UPB1: variants seen among roughly 807,000 people sequenced by gnomAD.
UPB1 encodes the protein beta-ureidopropionase.
Under a neutral mutation model 49.1 loss-of-function variants are expected in UPB1, and 40 were observed. That is an observed-to-expected ratio of 0.81 (90% CI 0.63 to 1.06). The LOEUF is 1.06. Among genes scored for constraint, UPB1 ranks in the 50% least tolerant of loss-of-function variants. UPB1 has a pLI of 0.00. For missense variants in UPB1, 499 were observed against 505.9 expected, an observed-to-expected ratio of 0.99 and a Z score of 0.13; for synonymous variants, 207 against 198.2, an observed-to-expected ratio of 1.04 and a Z score of -0.38.
At chr22:24,495,883 C>T (rs942429407) in intron 1 of UPB1, among the ~76,000 whole-genome samples, 6 of 152,144 alleles carry the variant, frequency 3.9e-5, no homozygotes, top group African/African-American at 1.4e-4. Flanking sequence ...ACTGATTGTC[C>T]GGCCCCAGAC....
rs759334607 is a variant in UPB1, at chr22:24,500,090, T to C, written c.105-17T>C. 9.9e-6 allele frequency: 16 copies of C among 1,614,038 alleles called. No homozygotes were observed. Among genetic ancestry groups the C allele is most frequent in the Non-Finnish European group, 1.0e-5 (12 of 1,180,014 alleles). ...CTGCATCAAAATCCCCTTCCCTCTT[T>C]TTTCCTGCCCATCTAGGAAGCTTGA... is the stretch of plus-strand genomic sequence containing the variant. On this transcript the variant is annotated splice_polypyrimidine_tract_variant and intron_variant, in intron 1 of 9. Transcript: ENST00000326010.
chr22:24,500,254 C>T lies in UPB1; in HGVS notation c.252C>T (p.Pro84=), dbSNP rs944610975. The change falls in exon 2 of 10, where the codon CCC becomes CCT. Residue 84 remains proline (P), a synonymous_variant. Transcript: ENST00000326010. The part of the protein sequence containing the change: ...VGLVQNRIPL[P]ANAPVAEQVS... Reference sequence around the variant, plus strand: ...TGGTTCAGAACAGAATCCCCCTCCCCGCAAATGCCCCTGTGGCAGAACAGG... The same window carrying T: ...TGGTTCAGAACAGAATCCCCCTCCCTGCAAATGCCCCTGTGGCAGAACAGG... 5.0e-6 allele frequency: 8 copies of T among 1,614,156 alleles called. No individual in the cohort carries two copies. Among genetic ancestry groups the T allele is most frequent in the Admixed American group, 3.3e-5 (2 of 60,028 alleles).
chr22:24,513,600 G>C, intron 5 of UPB1, 115 bp downstream of exon 5: 1 of 1,412,514 alleles, frequency 7.1e-7, no homozygotes, highest in Non-Finnish European at 9.7e-7. Context: ...TCCATGTCAC[G>C]TACACTCCAC....
chr22:24,514,300 T>C (rs910381844), intron 5 of UPB1, among the ~76,000 whole-genome samples: 3 of 152,058 alleles, frequency 2.0e-5, no homozygotes, highest in Admixed American at 2.0e-4. Context: ...AACCCAGCGT[T>C]TCTCAGTAAC....
intron 3 of UPB1, among the ~76,000 whole-genome samples, chr22:24,507,960 A>G (rs1410370730): frequency 6.6e-6 from 1 of 151,976 alleles, no homozygotes; most frequent in Non-Finnish European, 1.5e-5. Flanking sequence ...GCCCCCCAAT[A>G]TAACCAACCA....
chr22:24,517,981 A>G (rs1012767980), intron 6 of UPB1, among the ~76,000 whole-genome samples: 7 of 152,308 alleles, frequency 4.6e-5, no homozygotes, highest in East Asian at 1.9e-4. Flanking sequence ...CCTGGCCAAC[A>G]TGGTGAAACC....
intron 6 of UPB1, among the ~76,000 whole-genome samples, chr22:24,515,981 TAAAACAAAAC>T (rs56302601): frequency 2.0e-5 from 3 of 151,788 alleles, no homozygotes; most frequent in African/African-American, 7.3e-5. Context: ...TCTCAAAAAA[TAAAACAAAAC>T]AAAACGAAAA....
At chr22:24,520,504 C>G in intron 7 of UPB1, 36 bp downstream of exon 7, 1 of 1,608,162 alleles carries the variant, frequency 6.2e-7, no homozygotes, top group Non-Finnish European at 8.5e-7. Context: ...GAGGAGCCAC[C>G]ACCTGGTGGC....
intron 2 of UPB1, 39 bp from the exon 3 acceptor site, chr22:24,502,087 A>G (rs760651191): frequency 5.6e-6 from 9 of 1,609,944 alleles, no homozygotes; most frequent in Admixed American, 1.7e-5. Context: ...TGCCTTACCA[A>G]TAGAACTAAA....
chr22:24,521,053 C>T (rs907795915), intron 7 of UPB1, among the ~76,000 whole-genome samples: 10 of 151,290 alleles, frequency 6.6e-5, no homozygotes, highest in Admixed American at 5.9e-4. Context: ...CAGGCTGGCA[C>T]GTGCCTGTGA....
intron 1 of UPB1, among the ~76,000 whole-genome samples, chr22:24,498,359 C>T (rs567329283): frequency 6.6e-6 from 1 of 152,332 alleles, no homozygotes; most frequent in Non-Finnish European, 1.5e-5. Flanking sequence ...TTGACTGCGT[C>T]TACACAGGGT....
intron 8 of UPB1, among the ~76,000 whole-genome samples, chr22:24,522,780 A>G (rs1427621769): frequency 2.6e-5 from 4 of 151,278 alleles, no homozygotes; most frequent in African/African-American, 2.4e-5. Flanking sequence ...AAAAAAAAAA[A>G]AAAAATACAA....
intron 9 of UPB1, among the ~76,000 whole-genome samples, chr22:24,524,398 C>T (rs1463987012): frequency 1.3e-5 from 2 of 152,324 alleles, no homozygotes; most frequent in South Asian, 2.1e-4. Context: ...TGGGATGGGA[C>T]TCCACCCTAG....
chr22:24,500,314 A>G, intron 2 of UPB1, 36 bp downstream of exon 2: 2 of 1,612,212 alleles, frequency 1.2e-6, no homozygotes, highest in South Asian at 2.2e-5. Flanking sequence ...ATACACAAAC[A>G]GGGTTGTGGC....
In UPB1 at chr22:24,513,481, A is replaced by G. The variant is rs1213957642; in HGVS notation, c.617A>G (p.Asn206Ser). ...CACATCCCCAGAGTGGGTGATTTCAACGAGGTGAGCCACCCATAAGATAGA... is the reference window on the plus strand; with the variant it reads ...CACATCCCCAGAGTGGGTGATTTCAGCGAGGTGAGCCACCCATAAGATAGA... ...KNHIPRVGDF[N>S]ESTYYMEGNL... Residue 206 changes from asparagine to serine, a missense_variant, in exon 5 of 10, where the codon AAC becomes AGC. Transcript: ENST00000326010. 2.5e-6 allele frequency: 4 copies of G among 1,613,928 alleles called. No homozygotes were observed. The highest frequency in any genetic ancestry group is 1.7e-5 in the Admixed American group (1 of 59,978).
Position 24,513,213 on chromosome 22 carries a change from A to G in UPB1, c.460-111A>G, listed in dbSNP as rs1482567418. 26 of 1,490,246 alleles carry G rather than the reference A, an allele frequency of 1.7e-5. No homozygotes were observed. The East Asian group carries it at 4.6e-4, about 26-fold the overall frequency. The allele number at this position is 1,490,246 out of a possible 1,614,324, so 92.3% of individuals were successfully genotyped here. ...TTTAGTGTTCCAAACAACAAATGCA[A>G]GTGGTTGCTCTGACCCAAGCCTATT... On this transcript the variant is annotated intron_variant, in intron 4 of 9. Transcript: ENST00000326010.
chr22:24,506,670 C>G (rs906149868), intron 3 of UPB1, among the ~76,000 whole-genome samples: 2 of 152,236 alleles, frequency 1.3e-5, no homozygotes, highest in East Asian at 3.8e-4. Context: ...TGTACTCTCA[C>G]TCTTCATTAG....
intron 3 of UPB1, chr22:24,503,849 A>C (rs2044038365): frequency 6.6e-6 from 1 of 152,184 alleles, no homozygotes; most frequent in African/African-American, 2.4e-5. Flanking sequence ...AAATCTTTAA[A>C]CTTGTTTCCT....
intron 4 of UPB1, among the ~76,000 whole-genome samples, chr22:24,512,690 C>A (rs1321280416): frequency 2.6e-5 from 4 of 152,026 alleles, no homozygotes; most frequent in Non-Finnish European, 5.9e-5. Context: ...CTCCCCATTC[C>A]CCCAGCCCCT....
Sources: gnomAD v4.1 joint callset for allele counts (sites outside exome capture counted in the v4.1 genomes callset) on GRCh38, gnomAD v4.1.1 for gene constraint, MANE v1.5 for transcripts, NCBI Gene and HGNC (gene_info 2026-07-23, HGNC 2026-07-21) for gene names.